The following ADGRV1 variants were observed in gnomAD, a reference collection of about 807,000 sequenced individuals.
ADGRV1 encodes G-protein coupled receptor 98.
Under a neutral mutation model 596.2 loss-of-function variants are expected in ADGRV1, and 359 were observed. The ratio of observed to expected loss-of-function variants is 0.60; its 90% CI spans 0.55 to 0.66. The LOEUF (loss-of-function observed/expected upper bound fraction) is 0.66. Among genes scored for constraint, ADGRV1 ranks in the 30% least tolerant of loss-of-function variants. The pLI, the probability that ADGRV1 is intolerant of heterozygous loss-of-function variation, is 0.00. For synonymous variants in ADGRV1, 2,681 were observed against 2,679.2 expected, an observed-to-expected ratio of 1.00 and a Z score of -0.02; for missense variants, 7,274 against 7,575.6, an observed-to-expected ratio of 0.96 and a Z score of 1.48.
chr5:90,989,798 G>A (rs145302059), intron 85 of ADGRV1, among the ~76,000 whole-genome samples: 1 of 152,136 alleles, frequency 6.6e-6, no homozygotes, highest in East Asian at 1.9e-4. Flanking sequence ...ATTGCTTGAT[G>A]TTTCCCATGA....
At chr5:91,141,719 T>C (rs999783745) in intron 87 of ADGRV1, among the ~76,000 whole-genome samples, 2 of 152,228 alleles carry the variant, frequency 1.3e-5, no homozygotes, top group African/African-American at 2.4e-5. Flanking sequence ...CCGTTATCTT[T>C]GCTGCTAAGT....
At chr5:90,716,934 A>G in intron 43 of ADGRV1, 1 of 410,958 alleles carries the variant, frequency 2.4e-6, no homozygotes, top group Admixed American at 3.8e-5. Flanking sequence ...ATTTACTATT[A>G]ATAGGGTAAA....
chr5:90,919,215 C>T (rs1280000549), intron 83 of ADGRV1, among the ~76,000 whole-genome samples: 4 of 152,198 alleles, frequency 2.6e-5, no homozygotes, highest in African/African-American at 9.7e-5. Context: ...GTAATTATTT[C>T]CTTTTAGCCC....
At position 90,728,777 on chromosome 5, in the gene ADGRV1, T is replaced by C. The variant is rs1386984597; in HGVS notation, c.10270T>C (p.Ser3424Pro). 1 of 1,613,980 alleles carries C rather than the reference T, an allele frequency of 6.2e-7. No individual in the cohort carries two copies. The highest frequency in any genetic ancestry group is 8.5e-7 in the Non-Finnish European group (1 of 1,179,862). Residue 3424 changes from serine to proline, a missense_variant, in exon 49 of 90, where the codon TCC becomes CCC. Coordinates refer to ENST00000405460, the MANE Select transcript of ADGRV1 (RefSeq NM_032119.4). ...NKGGSVFLAI[S>P]QANARLNSLL... ...GGGAGGCTCTGTGTTCTTAGCCATT[T>C]CCCAGGCTAATGCCAGGCTAAACTC...
intron 84 of ADGRV1, among the ~76,000 whole-genome samples, chr5:90,975,355 A>G (rs1047427972): frequency 1.3e-5 from 2 of 152,316 alleles, no homozygotes; most frequent in East Asian, 1.9e-4. Flanking sequence ...TACTGGGTAT[A>G]TACCCAAAGG....
intron 83 of ADGRV1, among the ~76,000 whole-genome samples, chr5:90,909,879 A>T (rs1772691950): frequency 6.6e-6 from 1 of 152,230 alleles, no homozygotes; most frequent in Non-Finnish European, 1.5e-5. Context: ...AAGAAACAAA[A>T]AAACCAAACA....
rs1561412810 is a variant in ADGRV1 at position 90,627,747 on chromosome 5, A to G, written c.1209A>G (p.Thr403=). Residue 403 remains threonine, a synonymous_variant, in exon 7 of 90, where the codon ACA becomes ACG. Coordinates refer to ENST00000405460, the MANE Select transcript of ADGRV1 (RefSeq NM_032119.4). ...TCAACAGTGTTTTGTTTGAAAGGAC[A>G]GTTATAATTGATGAAGATAGAATAT... The part of the protein sequence containing the change: ...LSFNSVLFER[T]VIIDEDRISR... 3 of 1,563,080 alleles carry G rather than the reference A, an allele frequency of 1.9e-6. No homozygotes were observed. The highest frequency in any genetic ancestry group is 1.2e-5 in the South Asian group (1 of 82,830).
chr5:90,742,692 G>A (rs889728982), intron 50 of ADGRV1, among the ~76,000 whole-genome samples: 3 of 152,108 alleles, frequency 2.0e-5, no homozygotes, highest in African/African-American at 4.8e-5. Flanking sequence ...AAGAGAAGAT[G>A]TCTGAGAAAG....
chr5:91,006,444 T>C (rs574993888), intron 85 of ADGRV1, among the ~76,000 whole-genome samples: 2 of 152,350 alleles, frequency 1.3e-5, no homozygotes, highest in East Asian at 3.9e-4. Flanking sequence ...AGAAATAAAG[T>C]AACTTTATTA....
intron 1 of ADGRV1, among the ~76,000 whole-genome samples, chr5:90,596,546 G>C (rs912900439): frequency 6.6e-6 from 1 of 152,144 alleles, no homozygotes; most frequent in Admixed American, 6.5e-5. Flanking sequence ...CCCGCACCTC[G>C]GGAGGCAGAG....
intron 69 of ADGRV1, 83 bp downstream of exon 69, chr5:90,789,934 G>GT: frequency 1.0e-6 from 1 of 997,030 alleles, no homozygotes; most frequent in Non-Finnish European, 1.3e-6. Flanking sequence ...GCATGTTCTA[G>GT]TTAATTAAAG....
intron 83 of ADGRV1, among the ~76,000 whole-genome samples, chr5:90,939,150 A>G (rs1775961867): frequency 1.3e-5 from 2 of 152,224 alleles, no homozygotes; most frequent in South Asian, 4.1e-4. Context: ...AAGTTAAACT[A>G]AAGCAATGAA....
chr5:90,807,747 AC>A lies in ADGRV1; in HGVS notation c.14972+12del, dbSNP rs1561775092. 6.6e-7 allele frequency: 1 copy of A among 1,518,918 alleles called. No individual in the cohort carries two copies. Among genetic ancestry groups the A allele is most frequent in the East Asian group, 2.3e-5 (1 of 43,502 alleles). The allele number at this position is 1,518,918 out of a possible 1,614,324, so 94.1% of individuals were successfully genotyped here. On this transcript the variant is annotated intron_variant, in intron 73 of 89. Coordinates refer to ENST00000405460, the MANE Select transcript of ADGRV1 (RefSeq NM_032119.4). ...GCGGAGCTCAACTCCGGTAAGACCA[AC>A]CTCATTCTCACCCAAGAAATTCTCT...
chr5:90,964,808 G>A (rs1289799952), intron 83 of ADGRV1, among the ~76,000 whole-genome samples: 1 of 151,918 alleles, frequency 6.6e-6, no homozygotes, highest in Non-Finnish European at 1.5e-5. Context: ...GAGAGTGAGA[G>A]AGAAGTAGAG....
At chr5:90,742,395 C>CA (rs1754064594) in intron 50 of ADGRV1, among the ~76,000 whole-genome samples, 2 of 152,038 alleles carry the variant, frequency 1.3e-5, no homozygotes, top group African/African-American at 4.8e-5. Flanking sequence ...AAAGAGAGGT[C>CA]AGGTGGTGGT....
rs950558705 is a variant in ADGRV1 at position 90,683,782 on chromosome 5, T to C, written c.5861T>C (p.Val1954Ala). ...GCATTCTCTGTGTCAGTCCTCAGTG[T>C]TTCCAGTGGTTCTTTGGGAGCTCAT... ...DKAFSVSVLS[V>A]SSGSLGAHIN... is the part of the protein sequence containing the mutation. The change falls in exon 28 of 90, where the codon GTT becomes GCT. Residue 1954 changes from valine to alanine, a missense_variant. Transcript: ENST00000405460. 1 of 1,613,746 alleles carries C rather than the reference T, an allele frequency of 6.2e-7. No homozygotes were observed. Among genetic ancestry groups the C allele is most frequent in the African/African-American group, 1.3e-5 (1 of 74,902 alleles).
chr5:90,903,755 T>G (rs2150653079), intron 83 of ADGRV1, among the ~76,000 whole-genome samples: 1 of 152,178 alleles, frequency 6.6e-6, no homozygotes, highest in Non-Finnish European at 1.5e-5. Context: ...GCGTTTATCC[T>G]TCATGTTACA....
chr5:90,910,421 A>G (rs921069688), intron 83 of ADGRV1, among the ~76,000 whole-genome samples: 3 of 152,194 alleles, frequency 2.0e-5, no homozygotes, highest in African/African-American at 7.2e-5. Context: ...GATAATGCAC[A>G]TTGTGAATAT....
At chr5:90,819,636 A>C (rs1162203656) in intron 75 of ADGRV1, among the ~76,000 whole-genome samples, 7 of 151,336 alleles carry the variant, frequency 4.6e-5, no homozygotes, top group Non-Finnish European at 7.4e-5. Flanking sequence ...CGTTGGTTTC[A>C]AAGAACATCT....
Sources: allele counts gnomAD v4.1 joint callset (sites outside exome capture counted in the v4.1 genomes callset), GRCh38; gene constraint gnomAD v4.1.1; transcripts MANE v1.5; gene names NCBI Gene and HGNC (gene_info 2026-07-23, HGNC 2026-07-21).